The following ERG variants were observed in gnomAD, a reference collection of about 807,000 sequenced individuals.
The protein encoded by ERG is ETS transcription factor ERG.
In ERG, 9 loss-of-function variants were observed where a neutral mutation model predicts 55.3. The observed-to-expected ratio is 0.16, with a 90% CI of 0.10 to 0.28. The LOEUF is 0.28. Ranked by LOEUF, ERG falls within the 10% of genes least tolerant of loss-of-function variation. ERG has a pLI of 1.00. For synonymous variants in ERG, 223 were observed against 237.3 expected (o/e 0.94, Z 0.55); for missense variants, 434 against 631.6 (o/e 0.69, Z 3.35).
At chr21:38,448,866 G>A (rs184421799) in intron 1 of ERG, among the ~76,000 whole-genome samples, 1 of 152,314 alleles carries the variant, frequency 6.6e-6, no homozygotes, top group East Asian at 1.9e-4. Flanking sequence ...ATTAAAACCA[G>A]AAAAAGAGTG....
At chr21:38,604,226 C>A (rs2060183032) in intron 1 of ERG, among the ~76,000 whole-genome samples, 2 of 150,006 alleles carry the variant, frequency 1.3e-5, no homozygotes, top group Middle Eastern at 3.4e-3. Context: ...TGCACTCCAG[C>A]CTGGGCGACA....
Position 38,490,115 on chromosome 21 carries a change from C to A in ERG, c.18+8248G>T, listed in dbSNP as rs76486567. On this transcript the variant is annotated intron_variant, in intron 1 of 9. Transcript: ENST00000288319. ...CAATCTCCAATGCAGATCAGGTGCT[C>A]GTGAATAATTGGGAGCTCACTGTGT... Among the ~76,000 whole-genome samples the A allele has an allele frequency of 4.6e-5, 7 of 152,198 alleles. No individual in the cohort carries two copies. In the East Asian group the frequency reaches 1.4e-3, roughly 29 times the overall value.
chr21:38,540,982 C>T (rs185913565), intron 2 of ERG, among the ~76,000 whole-genome samples: 50 of 152,172 alleles, frequency 3.3e-4, no homozygotes, highest in Non-Finnish European at 1.9e-4. Context: ...TGCCTTTGAG[C>T]GCTTGGGTGG....
At chr21:38,658,944 T>A (rs1458402613) in intron 1 of ERG, among the ~76,000 whole-genome samples, 1 of 152,202 alleles carries the variant, frequency 6.6e-6, no homozygotes, top group Non-Finnish European at 1.5e-5. Flanking sequence ...AAAGATTAAA[T>A]CACCAATAAT....
chr21:38,507,033 C>T (rs753442008), intron 2 of ERG, among the ~76,000 whole-genome samples: 31 of 151,980 alleles, frequency 2.0e-4, no homozygotes, highest in Non-Finnish European at 3.5e-4. Flanking sequence ...CTGTAACAGT[C>T]GTACATTCCG....
chr21:38,462,262 C>T (rs1389239352), intron 1 of ERG, among the ~76,000 whole-genome samples: 1 of 152,212 alleles, frequency 6.6e-6, no homozygotes, highest in East Asian at 1.9e-4. Flanking sequence ...GGATTACAGT[C>T]ATGAGCCACT....
intron 1 of ERG, among the ~76,000 whole-genome samples, chr21:38,632,470 T>C (rs1229456916): frequency 6.6e-6 from 1 of 152,198 alleles, no homozygotes; most frequent in Admixed American, 6.5e-5. Flanking sequence ...CACCTTGAAT[T>C]GTAATAATCC....
At chr21:38,402,322 G>A (rs879576602) in intron 5 of ERG, among the ~76,000 whole-genome samples, 4 of 152,154 alleles carry the variant, frequency 2.6e-5, no homozygotes, top group Non-Finnish European at 5.9e-5. Flanking sequence ...CACGTCTCCT[G>A]GTTAAAAAGG....
intron 1 of ERG, among the ~76,000 whole-genome samples, chr21:38,583,590 A>G (rs951939808): frequency 7.9e-5 from 12 of 152,190 alleles, no homozygotes; most frequent in African/African-American, 2.9e-4. Flanking sequence ...GAATTGTATC[A>G]ATTCTCTCCC....
chr21:38,456,575 C>A (rs191466340), intron 1 of ERG, among the ~76,000 whole-genome samples: 92 of 117,000 alleles, frequency 7.9e-4, no homozygotes, highest in Admixed American at 3.2e-3. Context: ...GGGTCTCCTT[C>A]TTTTGCTTTC....
At chr21:38,567,664 A>AG (rs2059931291) in intron 2 of ERG, among the ~76,000 whole-genome samples, 1 of 152,236 alleles carries the variant, frequency 6.6e-6, no homozygotes, top group African/African-American at 2.4e-5. Flanking sequence ...ACTATAAATC[A>AG]GATTTGCAAA....
intron 2 of ERG, among the ~76,000 whole-genome samples, chr21:38,546,933 T>A (rs56231727): frequency 6.6e-6 from 1 of 152,218 alleles, no homozygotes; most frequent in Non-Finnish European, 1.5e-5. Flanking sequence ...GCTGGCAGGA[T>A]GAATCAGTTA....
chr21:38,452,796 G>A (rs1264828295), intron 1 of ERG, among the ~76,000 whole-genome samples: 1 of 152,196 alleles, frequency 6.6e-6, no homozygotes, highest in East Asian at 1.9e-4. Context: ...CTTTCTCAGG[G>A]CTCTGAGAAG....
chr21:38,597,585 T>A (rs865821691), intron 1 of ERG, among the ~76,000 whole-genome samples: 16 of 152,064 alleles, frequency 1.1e-4, no homozygotes, highest in Non-Finnish European at 2.2e-4. Flanking sequence ...CTGACACTCC[T>A]GCATTGATGA....
chr21:38,526,139 T>C lies in ERG; in HGVS notation c.-41+49523A>G, dbSNP rs75100715. 3.1e-3 allele frequency among the ~76,000 whole-genome samples: 475 copies of C among 152,192 alleles called. 4 individuals carry two copies. Among genetic ancestry groups the C allele is most frequent in the African/African-American group, 0.011 (447 of 41,506 alleles). ...GTGTGAGGGAAGCACTGAGGACCAC[T>C]GGAGGATGAGGGATGCTCTGTCCTT... On this transcript the variant is annotated intron_variant, in intron 2 of 8. Transcript: ENST00000398897.
intron 1 of ERG, chr21:38,449,054 C>A (rs567484681): frequency 6.6e-6 from 1 of 152,364 alleles, no homozygotes; most frequent in African/African-American, 2.4e-5. Context: ...AGGTAGGCAG[C>A]TGCCTTAGTT....
At chr21:38,468,985 AAAAAAAAAAAAAAAAAG>A (rs56132482) in intron 1 of ERG, among the ~76,000 whole-genome samples, 39,068 of 133,578 alleles carry the variant, frequency 0.29, 7,223 homozygotes, top group Non-Finnish European at 0.41. Flanking sequence ...TCTGTCTCAA[AAAAAAAAAAAAAAAAAG>A]AAAAAAAAAA....
chr21:38,658,898 C>A (rs944458329), intron 1 of ERG, among the ~76,000 whole-genome samples: 2 of 152,186 alleles, frequency 1.3e-5, no homozygotes, highest in African/African-American at 4.8e-5. Flanking sequence ...CACACAATCC[C>A]TTCAATGGTA....
intron 1 of ERG, among the ~76,000 whole-genome samples, chr21:38,450,197 C>T (rs1394433676): frequency 9.6e-6 from 1 of 104,502 alleles, no homozygotes; most frequent in Non-Finnish European, 1.9e-5. Flanking sequence ...CGAGACCATA[C>T]AAAAATCCAA....
Sources: allele counts gnomAD v4.1 joint callset (sites outside exome capture counted in the v4.1 genomes callset), GRCh38; gene constraint gnomAD v4.1.1; transcripts MANE v1.5; gene names NCBI Gene and HGNC (gene_info 2026-07-23, HGNC 2026-07-21).